The following SLIT3 variants were observed in gnomAD, a reference collection of about 807,000 sequenced individuals.
The protein encoded by SLIT3 is slit guidance ligand 3.
A neutral mutation model predicts 184.0 loss-of-function variants in SLIT3; 68 were observed. The observed-to-expected ratio is 0.37, with a 90% CI of 0.30 to 0.45. SLIT3 has a LOEUF of 0.45. Ranked by LOEUF, SLIT3 falls within the 20% of genes least tolerant of loss-of-function variation. SLIT3 has a pLI of 1.00. For missense variants in SLIT3, 1,707 were observed against 2,026.0 expected, an observed-to-expected ratio of 0.84 and a Z score of 3.02; for synonymous variants, 831 against 828.6, an observed-to-expected ratio of 1.00 and a Z score of -0.05.
chr5:168,937,089 G>T (rs1223538098), intron 4 of SLIT3, among the ~76,000 whole-genome samples: 1 of 152,062 alleles, frequency 6.6e-6, no homozygotes, highest in East Asian at 1.9e-4. Flanking sequence ...AGAATTCGCT[G>T]GTTGAGGACT....
At chr5:168,954,029 T>C (rs1762743432) in intron 4 of SLIT3, among the ~76,000 whole-genome samples, 1 of 152,066 alleles carries the variant, frequency 6.6e-6, no homozygotes, top group South Asian at 2.1e-4. Flanking sequence ...TTCAAAGGTG[T>C]CATTTCTGCT....
intron 4 of SLIT3, among the ~76,000 whole-genome samples, chr5:168,960,128 G>A (rs1022619155): frequency 6.6e-6 from 1 of 152,170 alleles, no homozygotes; most frequent in Non-Finnish European, 1.5e-5. Context: ...TCAAATGACT[G>A]TCTTGCCTTT....
At chr5:169,268,887 C>T (rs1766498583) in intron 1 of SLIT3, among the ~76,000 whole-genome samples, 1 of 152,034 alleles carries the variant, frequency 6.6e-6, no homozygotes, top group Admixed American at 6.5e-5. Context: ...CTGTTCATCT[C>T]CCCTGAAATA....
At chr5:169,019,937 T>C (rs1162520759) in intron 4 of SLIT3, among the ~76,000 whole-genome samples, 1 of 152,238 alleles carries the variant, frequency 6.6e-6, no homozygotes, top group Non-Finnish European at 1.5e-5. Context: ...GTTCTGTGTT[T>C]TGCTTGGGAA....
chr5:168,793,685 T>G (rs915536198), intron 10 of SLIT3, among the ~76,000 whole-genome samples: 1 of 152,086 alleles, frequency 6.6e-6, no homozygotes, highest in Non-Finnish European at 1.5e-5. Flanking sequence ...CACAAAAAAT[T>G]AGAGCAATAA....
Position 168,691,476 on chromosome 5 carries a change from T to C in SLIT3, c.3176+1131A>G, listed in dbSNP as rs79330989. On this transcript the variant is annotated intron_variant, in intron 29 of 35. Transcript: ENST00000519560. ...AGGACAGATTCTGGGTGATGACAGC[T>C]TCTGGACCCATCAAGACCTAGAGCA... 4.5e-3 allele frequency among the ~76,000 whole-genome samples: 688 copies of C among 152,328 alleles called. 19 individuals are homozygous for C. The East Asian group carries it at 0.064, about 14-fold the overall frequency.
intron 4 of SLIT3, among the ~76,000 whole-genome samples, chr5:169,179,205 A>C (rs1561717847): frequency 6.6e-6 from 1 of 152,062 alleles, no homozygotes; most frequent in Non-Finnish European, 1.5e-5. Flanking sequence ...TTTAGATCTC[A>C]GATCAAGAAA....
At chr5:168,845,285 C>T (rs560080768) in intron 5 of SLIT3, among the ~76,000 whole-genome samples, 3 of 152,218 alleles carry the variant, frequency 2.0e-5, no homozygotes, top group South Asian at 2.1e-4. Context: ...TGCATTGTTA[C>T]GGGGCCCATC....
intron 5 of SLIT3, among the ~76,000 whole-genome samples, chr5:168,861,198 C>T (rs796941850): frequency 3.3e-5 from 5 of 152,260 alleles, no homozygotes; most frequent in African/African-American, 1.2e-4. Flanking sequence ...TGTTGGTGTG[C>T]TGCACCCATT....
At chr5:169,256,905 C>A (rs917706743) in intron 1 of SLIT3, among the ~76,000 whole-genome samples, 5 of 152,076 alleles carry the variant, frequency 3.3e-5, no homozygotes, top group African/African-American at 1.2e-4. Flanking sequence ...GCTTAGGATA[C>A]CATGGGAATC....
At chr5:168,838,919 A>T (rs1324053518) in intron 6 of SLIT3, among the ~76,000 whole-genome samples, 1 of 152,132 alleles carries the variant, frequency 6.6e-6, no homozygotes, top group South Asian at 2.1e-4. Context: ...TGGTGGCCTC[A>T]GTACACCAGT....
intron 3 of SLIT3, among the ~76,000 whole-genome samples, chr5:169,206,856 T>C (rs59956505): frequency 6.6e-6 from 1 of 152,224 alleles, no homozygotes; most frequent in African/African-American, 2.4e-5. Flanking sequence ...TTAGAATTTT[T>C]ATTTTCTCAT....
Position 168,789,497 on chromosome 5 carries a change from G to A in SLIT3, c.1079+63C>T, listed in dbSNP as rs10062065. 0.012 allele frequency: 15,098 copies of A among 1,272,838 alleles called. 631 individuals carry two copies. The African/African-American group carries it at 0.12, about 10-fold the overall frequency. The allele number at this position is 1,272,838 out of a possible 1,614,324, so 78.8% of individuals were successfully genotyped here. A position where few individuals can be genotyped will look rare whatever the true frequency, so the allele number is the denominator to read the frequency against. On this transcript the variant is annotated intron_variant, in intron 11 of 35. Coordinates refer to ENST00000519560, the MANE Select transcript of SLIT3 (RefSeq NM_003062.4). ...AACACCTCCTGAGAAATATGGTTGC[G>A]TCTCTCTTCCCTCCAGCGCCCCCCC...
intron 23 of SLIT3, 62 bp from the exon 24 acceptor site, chr5:168,712,416 A>C: frequency 7.0e-5 from 101 of 1,449,444 alleles, no homozygotes; most frequent in Non-Finnish European, 9.2e-5. Flanking sequence ...GCATATTCTC[A>C]GGGCCTCCAG....
At position 169,202,256 on chromosome 5, in the gene SLIT3, A is replaced by T. The variant is rs1404061914; in HGVS notation, c.342-8706T>A. Among the ~76,000 whole-genome samples the T allele has an allele frequency of 1.5e-4, 23 of 152,088 alleles. 1 individual carries two copies. On this transcript the variant is annotated intron_variant, in intron 3 of 35. Transcript: ENST00000519560. The stretch of plus-strand genomic sequence containing the variant: ...CAAAAATAAATAAATAAAATAAAAT[A>T]AAATAAAAATCTCTGTCCTTGTCCA...
At chr5:168,806,410 C>A (rs114662232) in intron 9 of SLIT3, 36 bp downstream of exon 9, 5 of 1,612,540 alleles carry the variant, frequency 3.1e-6, no homozygotes, top group Admixed American at 3.3e-5. Flanking sequence ...AATTCTCCGG[C>A]GACAGTTGTT....
intron 33 of SLIT3, among the ~76,000 whole-genome samples, chr5:168,672,181 C>A (rs1484596204): frequency 1.3e-5 from 2 of 152,148 alleles, no homozygotes; most frequent in African/African-American, 4.8e-5. Context: ...CTGGGTGCAC[C>A]TGGAGCAGGT....
rs1263244175 is a variant in SLIT3 at position 168,662,079 on chromosome 5, T to C, written c.*4375A>G. The C allele has an allele frequency of 6.6e-6, 1 of 152,240 alleles. No individual in the cohort carries two copies. The highest frequency in any genetic ancestry group is 1.5e-5 in the Non-Finnish European group (1 of 68,052). The allele number at this position is 152,240 out of a possible 1,614,324, so 9.4% of individuals were successfully genotyped here. On this transcript the variant is annotated 3_prime_UTR_variant, in exon 36 of 36. Coordinates refer to ENST00000519560, the MANE Select transcript of SLIT3 (RefSeq NM_003062.4). ...TCCCACAAAACCACACTATGCCCTCTGCTTCCCCATCATGTGGGGACCATC... is the reference window on the plus strand; with the variant it reads ...TCCCACAAAACCACACTATGCCCTCCGCTTCCCCATCATGTGGGGACCATC...
chr5:168,824,276 C>T (rs543585747), intron 6 of SLIT3, among the ~76,000 whole-genome samples: 10 of 152,284 alleles, frequency 6.6e-5, no homozygotes, highest in East Asian at 1.9e-4. Context: ...GTGAGCTCTG[C>T]GCATCTCTTC....
Sources: allele counts gnomAD v4.1 joint callset (sites outside exome capture counted in the v4.1 genomes callset), GRCh38; gene constraint gnomAD v4.1.1; transcripts MANE v1.5; gene names NCBI Gene and HGNC (gene_info 2026-07-23, HGNC 2026-07-21).